The following PAX5 variants were observed in gnomAD, a reference collection of about 807,000 sequenced individuals.
PAX5 encodes paired box 5, also known as paired box protein Pax-5.
Under a neutral mutation model 43.7 loss-of-function variants are expected in PAX5, and 9 were observed. That is an observed-to-expected ratio of 0.21 (90% CI 0.12 to 0.36). The LOEUF (loss-of-function observed/expected upper bound fraction) is 0.36. PAX5 is among the 10% of genes least tolerant of loss of function. The pLI, the probability that PAX5 is intolerant of heterozygous loss-of-function variation, is 1.00. For missense variants in PAX5, 383 were observed against 532.7 expected (o/e 0.72, Z 2.77); for synonymous variants, 228 against 214.3 (o/e 1.06, Z -0.56).
At chr9:36,998,285 T>C (rs553790328) in intron 5 of PAX5, among the ~76,000 whole-genome samples, 1 of 152,276 alleles carries the variant, frequency 6.6e-6, no homozygotes, top group East Asian at 1.9e-4. Flanking sequence ...TAGGAAGAAC[T>C]CTAGAATCTC....
chr9:37,034,098 CTTTTTTTTTTT>C lies in PAX5; in HGVS notation c.-78_-68del, dbSNP rs576653546. 2.0e-4 allele frequency: 63 copies of C among 320,074 alleles called. No individual in the cohort carries two copies. Among genetic ancestry groups the C allele is most frequent in the Non-Finnish European group, 2.4e-4 (43 of 182,314 alleles). 19.8% of individuals were successfully genotyped at this position (320,074 alleles called of 1,614,324 possible). A position where few individuals can be genotyped will look rare whatever the true frequency, so the allele number is the denominator to read the frequency against. ...TCCACTTTTTTGTGCCTTTTTTTTT[CTTTTTTTTTTT>C]TTTTTTTTTTTTTTTTTGGTGCCAG... On this transcript the variant is annotated 5_prime_UTR_variant, in exon 1 of 10. Coordinates refer to ENST00000358127, the MANE Select transcript of PAX5 (RefSeq NM_016734.3).
At chr9:36,936,006 T>A (rs190617247) in intron 6 of PAX5, among the ~76,000 whole-genome samples, 6 of 152,346 alleles carry the variant, frequency 3.9e-5, no homozygotes, top group Non-Finnish European at 8.8e-5. Context: ...GCCTAGAACC[T>A]GACTGATTCA....
chr9:37,011,936 A>T (rs568651061), intron 3 of PAX5, among the ~76,000 whole-genome samples: 65 of 152,324 alleles, frequency 4.3e-4, no homozygotes, highest in African/African-American at 1.5e-3. Context: ...TAGAAGCTGC[A>T]TTCATCTGAA....
chr9:37,025,765 C>T (rs568067572), intron 1 of PAX5, among the ~76,000 whole-genome samples: 2 of 152,384 alleles, frequency 1.3e-5, no homozygotes, highest in African/African-American at 4.8e-5. Flanking sequence ...GTCTCCTACA[C>T]ACGCTGCGTC....
intron 7 of PAX5, among the ~76,000 whole-genome samples, chr9:36,890,516 G>A (rs1176761943): frequency 6.6e-6 from 1 of 152,166 alleles, no homozygotes; most frequent in Non-Finnish European, 1.5e-5. Context: ...TGTGACCTCA[G>A]GTAAACTTCA....
At chr9:36,989,216 G>A (rs780347244) in intron 5 of PAX5, among the ~76,000 whole-genome samples, 6 of 152,342 alleles carry the variant, frequency 3.9e-5, no homozygotes, top group African/African-American at 1.2e-4. Context: ...GCAGAACTGC[G>A]AAAAAGTAGA....
intron 5 of PAX5, among the ~76,000 whole-genome samples, chr9:36,970,930 C>A (rs1285769825): frequency 6.6e-6 from 1 of 152,212 alleles, no homozygotes; most frequent in African/African-American, 2.4e-5. Context: ...TAATTCATCT[C>A]TCTCTCCTCC....
intron 7 of PAX5, among the ~76,000 whole-genome samples, chr9:36,886,457 G>A (rs1164614304): frequency 1.3e-5 from 2 of 152,144 alleles, no homozygotes; most frequent in Non-Finnish European, 2.9e-5. Context: ...AAGCTGAGGA[G>A]TCTGTGACCT....
chr9:37,017,629 G>GTT (rs1839492872), intron 2 of PAX5, among the ~76,000 whole-genome samples: 1 of 152,240 alleles, frequency 6.6e-6, no homozygotes, highest in Non-Finnish European at 1.5e-5. Context: ...TTAGTTGAAT[G>GTT]GGACTGCAAC....
chr9:36,864,417 T>C (rs1195558061), intron 8 of PAX5: 2 of 152,974 alleles, frequency 1.3e-5, no homozygotes, highest in African/African-American at 4.8e-5. Flanking sequence ...AAGTCAGGAC[T>C]GGAAGACAAC....
chr9:36,870,861 G>T (rs1462130368), intron 8 of PAX5, among the ~76,000 whole-genome samples: 5 of 152,224 alleles, frequency 3.3e-5, no homozygotes, highest in Non-Finnish European at 7.3e-5. Context: ...TGGGCCCCAA[G>T]CCCCTCAGAT....
intron 7 of PAX5, among the ~76,000 whole-genome samples, chr9:36,922,410 G>A (rs892317770): frequency 2.6e-5 from 4 of 152,316 alleles, no homozygotes; most frequent in African/African-American, 4.8e-5. Flanking sequence ...TGCAGTACCC[G>A]AGCGGGCCTC....
At chr9:37,017,357 T>A (rs893913649) in intron 2 of PAX5, among the ~76,000 whole-genome samples, 2 of 152,198 alleles carry the variant, frequency 1.3e-5, no homozygotes, top group African/African-American at 4.8e-5. Context: ...AGCCCCAGCT[T>A]TCAAACCTGA....
chr9:36,885,696 T>C (rs1826849787), intron 7 of PAX5, among the ~76,000 whole-genome samples: 1 of 152,238 alleles, frequency 6.6e-6, no homozygotes, highest in East Asian at 1.9e-4. Flanking sequence ...CACAGAAGCA[T>C]GCCTTCTTCA....
intron 6 of PAX5, among the ~76,000 whole-genome samples, chr9:36,949,600 T>C (rs897348014): frequency 3.3e-5 from 5 of 152,162 alleles, no homozygotes; most frequent in African/African-American, 1.2e-4. Flanking sequence ...TTACGTGAGC[T>C]CAAAACTAAC....
intron 7 of PAX5, among the ~76,000 whole-genome samples, chr9:36,889,829 C>T (rs934653184): frequency 2.0e-5 from 3 of 151,916 alleles, no homozygotes; most frequent in African/African-American, 4.8e-5. Flanking sequence ...CCCTTCATCA[C>T]GAACTCCACA....
chr9:36,995,334 C>A (rs1837302636), intron 5 of PAX5, among the ~76,000 whole-genome samples: 1 of 152,196 alleles, frequency 6.6e-6, no homozygotes, highest in Non-Finnish European at 1.5e-5. Flanking sequence ...AGGTGGCAGG[C>A]CCTGAGTGGG....
intron 8 of PAX5, among the ~76,000 whole-genome samples, chr9:36,875,728 G>A (rs1587839726): frequency 1.3e-5 from 2 of 152,310 alleles, no homozygotes; most frequent in South Asian, 4.1e-4. Context: ...GGGGAGGAAG[G>A]AGGGGCAGCC....
intron 7 of PAX5, among the ~76,000 whole-genome samples, chr9:36,921,321 G>T (rs1036666220): frequency 6.6e-6 from 1 of 152,166 alleles, no homozygotes; most frequent in Non-Finnish European, 1.5e-5. Flanking sequence ...TCTCCTCTGG[G>T]ATCTCATTTG....
Sources: allele counts gnomAD v4.1 joint callset (sites outside exome capture counted in the v4.1 genomes callset), GRCh38; gene constraint gnomAD v4.1.1; transcripts MANE v1.5; gene names NCBI Gene and HGNC (gene_info 2026-07-23, HGNC 2026-07-21).